The following RBFOX1 variants were observed in gnomAD, a reference collection of about 807,000 sequenced individuals.
RBFOX1 encodes the protein RNA binding fox-1 homolog 1.
In RBFOX1, 8 loss-of-function variants were observed where a neutral mutation model predicts 57.7. The observed-to-expected ratio is 0.14, with a 90% CI of 0.08 to 0.25. RBFOX1 has a LOEUF of 0.25. Among genes scored for constraint, RBFOX1 ranks in the 10% least tolerant of loss-of-function variants. The probability of loss-of-function intolerance (pLI) is 1.00; values close to 1 mark genes in which losing one functional copy is unlikely to be tolerated. For synonymous variants in RBFOX1, 326 were observed against 222.4 expected, an observed-to-expected ratio of 1.47 and a Z score of -4.15; for missense variants, 611 against 548.5, an observed-to-expected ratio of 1.11 and a Z score of -1.14.
intron 3 of RBFOX1, among the ~76,000 whole-genome samples, chr16:6,939,383 ATGTGTGTG>A (rs139095238): frequency 1.3e-5 from 2 of 149,368 alleles, no homozygotes; most frequent in African/African-American, 4.9e-5. Context: ...ATATATGTGT[ATGTGTGTG>A]TGTGTGTGTG....
chr16:7,130,431 C>G (rs551913907), intron 4 of RBFOX1, among the ~76,000 whole-genome samples: 2 of 152,300 alleles, frequency 1.3e-5, no homozygotes, highest in South Asian at 4.1e-4. Flanking sequence ...TTACACTTAA[C>G]ACTTTTGTGA....
chr16:6,041,141 C>T (rs566159159), intron 1 of RBFOX1, among the ~76,000 whole-genome samples: 1 of 152,306 alleles, frequency 6.6e-6, no homozygotes, highest in African/African-American at 2.4e-5. Context: ...AGGTTCCTGG[C>T]AACCACTCAT....
Position 5,245,876 on chromosome 16 carries a change from G to A in RBFOX1, c.219+5771G>A, listed in dbSNP as rs191130155. Among the ~76,000 whole-genome samples the A allele has an allele frequency of 5.3e-5, 8 of 152,322 alleles. No homozygotes were observed. In the East Asian group the frequency reaches 1.3e-3, roughly 26 times the overall value. On this transcript the variant is annotated intron_variant, in intron 1 of 2. Coordinates refer to the RBFOX1 transcript ENST00000585867. ...CGTGGATGGGTAAGGAGACTATTTT[G>A]ACCAAAACATATTAGAGAAATTACC...
intron 4 of RBFOX1, among the ~76,000 whole-genome samples, chr16:5,957,109 A>C (rs1441600809): frequency 6.6e-6 from 1 of 152,240 alleles, no homozygotes; most frequent in Non-Finnish European, 1.5e-5. Context: ...AGAGCCACTT[A>C]TTAAATGTTT....
chr16:5,803,664 G>A (rs191143229), intron 3 of RBFOX1, among the ~76,000 whole-genome samples: 1 of 152,270 alleles, frequency 6.6e-6, no homozygotes, highest in Non-Finnish European at 1.5e-5. Context: ...ATTCTACAAA[G>A]AGAATATTGA....
chr16:6,358,767 G>T (rs1296571993), intron 2 of RBFOX1, among the ~76,000 whole-genome samples: 1 of 152,182 alleles, frequency 6.6e-6, no homozygotes, highest in Non-Finnish European at 1.5e-5. Context: ...CTTGTCTCCT[G>T]ATGGATATGC....
chr16:5,469,089 G>A (rs1341700074), intron 2 of RBFOX1, among the ~76,000 whole-genome samples: 2 of 152,228 alleles, frequency 1.3e-5, no homozygotes. Context: ...TGGGAGGTGG[G>A]TACTAGAGCG....
intron 1 of RBFOX1, among the ~76,000 whole-genome samples, chr16:5,388,450 A>G (rs1234443826): frequency 6.6e-6 from 1 of 152,168 alleles, no homozygotes; most frequent in African/African-American, 2.4e-5. Context: ...TACCGTCTCA[A>G]TGCAATCCTT....
Position 6,855,817 on chromosome 16 carries a change from T to TCTTCCTTCCCTC in RBFOX1, c.-15-196239_-15-196238insTTCCTTCCCTCC, listed in dbSNP as rs1441421066. On this transcript the variant is annotated intron_variant, in intron 3 of 15. Transcript: ENST00000550418. ...TGATAAATTTCCTTCTTCCCTTCCT[T>TCTTCCTTCCCTC]CCTCCTTCCCTCCCTCCTTCCCTCC... Among the ~76,000 whole-genome samples the TCTTCCTTCCCTC allele has an allele frequency of 7.1e-5, 8 of 113,044 alleles. 1 individual carries two copies. The highest frequency in any genetic ancestry group is 2.3e-4 in the African/African-American group (7 of 29,802). 74.2% of individuals were successfully genotyped at this position (113,044 alleles called of 152,430 possible). A position where few individuals can be genotyped will look rare whatever the true frequency, so the allele number is the denominator to read the frequency against.
intron 3 of RBFOX1, among the ~76,000 whole-genome samples, chr16:6,962,497 C>T (rs571903436): frequency 3.0e-3 from 452 of 152,222 alleles, no homozygotes; most frequent in Non-Finnish European, 5.5e-3. Flanking sequence ...GCAGTGTGTC[C>T]CTGGCATCCT....
intron 3 of RBFOX1, among the ~76,000 whole-genome samples, chr16:5,735,888 A>C (rs1041688010): frequency 2.6e-5 from 4 of 151,938 alleles, no homozygotes; most frequent in African/African-American, 4.8e-5. Flanking sequence ...AAAACAAATA[A>C]AACAACAACA....
At chr16:5,566,507 C>T (rs1037406453) in intron 2 of RBFOX1, among the ~76,000 whole-genome samples, 3 of 151,696 alleles carry the variant, frequency 2.0e-5, no homozygotes, top group African/African-American at 4.8e-5. Context: ...TGGTCAGTTT[C>T]GTGATATTGG....
At chr16:7,675,927 C>G (rs1328930778) in intron 13 of RBFOX1, among the ~76,000 whole-genome samples, 1 of 152,308 alleles carries the variant, frequency 6.6e-6, no homozygotes. Flanking sequence ...GCAAGAAGCT[C>G]TGTTATATTC....
chr16:6,755,331 T>G (rs1209299257), intron 3 of RBFOX1, among the ~76,000 whole-genome samples: 6 of 152,142 alleles, frequency 3.9e-5, no homozygotes, highest in Non-Finnish European at 8.8e-5. Context: ...AGTGTAAAAG[T>G]GTTCCTATTT....
chr16:6,244,188 ATT>A (rs796777268), intron 1 of RBFOX1, among the ~76,000 whole-genome samples: 2 of 144,100 alleles, frequency 1.4e-5, no homozygotes, highest in African/African-American at 5.1e-5. Flanking sequence ...CACTGTCAAC[ATT>A]TTTTTTTTTT....
intron 3 of RBFOX1, among the ~76,000 whole-genome samples, chr16:6,810,667 G>T (rs1372252844): frequency 6.6e-6 from 1 of 152,066 alleles, no homozygotes; most frequent in African/African-American, 2.4e-5. Context: ...AGTTCCACAT[G>T]GCTGGGAAGT....
At chr16:7,102,126 C>T (rs1039497705) in intron 4 of RBFOX1, among the ~76,000 whole-genome samples, 2 of 152,318 alleles carry the variant, frequency 1.3e-5, no homozygotes, top group Non-Finnish European at 2.9e-5. Flanking sequence ...CTGCCTGTGC[C>T]TACTTCTCTG....
At chr16:6,467,316 G>C (rs1234768817) in intron 2 of RBFOX1, among the ~76,000 whole-genome samples, 3 of 151,348 alleles carry the variant, frequency 2.0e-5, no homozygotes, top group Admixed American at 2.0e-4. Flanking sequence ...GTATTATGTG[G>C]GTTAACATAC....
At chr16:6,812,666 C>G (rs571732227) in intron 3 of RBFOX1, among the ~76,000 whole-genome samples, 2 of 152,278 alleles carry the variant, frequency 1.3e-5, no homozygotes, top group East Asian at 1.9e-4. Context: ...CGTGAGCTAC[C>G]ACGCCTGGCC....
Sources: allele counts gnomAD v4.1 joint callset (sites outside exome capture counted in the v4.1 genomes callset), GRCh38; gene constraint gnomAD v4.1.1; transcripts MANE v1.5; gene names NCBI Gene and HGNC (gene_info 2026-07-23, HGNC 2026-07-21).